The following DYTN variants were observed in gnomAD, a reference collection of about 807,000 sequenced individuals.
DYTN encodes the protein dystrotelin.
Under a neutral mutation model 69.6 loss-of-function variants are expected in DYTN, and 75 were observed. That is an observed-to-expected ratio of 1.08 (90% CI 0.89 to 1.31). The LOEUF is 1.31. Ranked by LOEUF, DYTN falls within the 50% of genes most tolerant of loss-of-function variation. DYTN has a pLI of 0.00. For missense variants in DYTN, 726 were observed against 688.4 expected, an observed-to-expected ratio of 1.05 and a Z score of -0.61; for synonymous variants, 252 against 249.1, an observed-to-expected ratio of 1.01 and a Z score of -0.11.
intron 9 of DYTN, among the ~76,000 whole-genome samples, chr2:206,672,721 A>C (rs1699643189): frequency 6.6e-6 from 1 of 152,242 alleles, no homozygotes; most frequent in Non-Finnish European, 1.5e-5. Flanking sequence ...AACCTTTCTT[A>C]AGCTCAGACT....
chr2:206,684,671 G>A (rs1166883062), intron 9 of DYTN, among the ~76,000 whole-genome samples: 1 of 152,018 alleles, frequency 6.6e-6, no homozygotes, highest in Non-Finnish European at 1.5e-5. Context: ...GTGTCTAAGG[G>A]CCATTTGCAA....
At chr2:206,677,111 T>C (rs1402680138) in intron 9 of DYTN, among the ~76,000 whole-genome samples, 1 of 152,098 alleles carries the variant, frequency 6.6e-6, no homozygotes, top group Non-Finnish European at 1.5e-5. Context: ...CACGCCTGGC[T>C]AACTTTTTGT....
In DYTN at chr2:206,688,387, G is replaced by A. The variant is rs551991905; in HGVS notation, c.980+4788C>T. Among the ~76,000 whole-genome samples the A allele has an allele frequency of 1.5e-3, 231 of 152,176 alleles. 1 individual carries two copies. The highest frequency in any genetic ancestry group is 2.7e-3 in the Non-Finnish European group (185 of 68,020). On this transcript the variant is annotated intron_variant, in intron 9 of 11. Coordinates refer to ENST00000452335, the MANE Select transcript of DYTN (RefSeq NM_001093730.1). ...GAACACTAGACAGCAATTCAGTACC[G>A]TGCTTTGGGGCCATTTGCCAAAGTA...
In DYTN at chr2:206,718,337, C is replaced by T; in HGVS notation, c.-58G>A. On this transcript the variant is annotated 5_prime_UTR_variant, in exon 1 of 12. Transcript: ENST00000452335. ...TGGGTCCCTGTAACTAGAAATGAAC[C>T]AGTATTTTAAGCAGAAGGTTTTGCA... is the stretch of plus-strand genomic sequence containing the variant. 1.3e-6 allele frequency: 2 copies of T among 1,569,400 alleles called. No individual in the cohort carries two copies. Among genetic ancestry groups the T allele is most frequent in the Admixed American group, 1.8e-5 (1 of 55,318 alleles).
At chr2:206,700,307 G>T in intron 5 of DYTN, 91 bp from the exon 6 acceptor site, 1 of 1,383,486 alleles carries the variant, frequency 7.2e-7, no homozygotes, top group Non-Finnish European at 1.0e-6. Flanking sequence ...GCCCACGGCT[G>T]TGTAGTCACA....
rs60722121 is a variant in DYTN, at chr2:206,693,231, C to A, written c.924G>T (p.Arg308Ser). The change falls in exon 9 of 12, where the codon AGG (arginine) becomes AGT (serine). Residue 308 changes from arginine to serine, a missense_variant. Arg to Ser is a moderately radical substitution (Grantham distance 110). Coordinates refer to ENST00000452335, the MANE Select transcript of DYTN (RefSeq NM_001093730.1). ...GATTCACCTGGTCCAGCAGCTGCTG[C>A]CTTCTCGCTGCTTCTTTCTTCCTAC... The part of the protein sequence containing the change: ...GRCRKKEAAR[R>S]QQLLDQVNPK... The A allele has an allele frequency of 3.7e-6, 6 of 1,613,566 alleles. No individual in the cohort carries two copies. Among genetic ancestry groups the A allele is most frequent in the South Asian group, 1.1e-5 (1 of 91,078 alleles).
chr2:206,680,434 A>G (rs1241749088), intron 9 of DYTN, among the ~76,000 whole-genome samples: 1 of 152,218 alleles, frequency 6.6e-6, no homozygotes, highest in Non-Finnish European at 1.5e-5. Flanking sequence ...CTGTACTCAG[A>G]TATTTACAAA....
chr2:206,711,721 C>G (rs1451613630), intron 1 of DYTN, among the ~76,000 whole-genome samples: 4 of 151,834 alleles, frequency 2.6e-5, no homozygotes, highest in East Asian at 1.9e-4. Context: ...ATCTCCCAAT[C>G]CTATCCCTCC....
Position 206,693,332 on chromosome 2 carries a change from A to G in DYTN, c.832-9T>C. ...TTCTGCATTGCTGACATCTGCTGAA[A>G]GGGCCAACATTTTTAAAAAGCGTCA... On this transcript the variant is annotated splice_polypyrimidine_tract_variant and intron_variant, in intron 8 of 11. Transcript: ENST00000452335. The G allele has an allele frequency of 6.2e-7, 1 of 1,609,994 alleles. No individual in the cohort carries two copies. Among genetic ancestry groups the G allele is most frequent in the Non-Finnish European group, 8.5e-7 (1 of 1,179,570 alleles).
At position 206,651,664 on chromosome 2, in the gene DYTN, C is replaced by G. The variant is rs1699387861; in HGVS notation, c.*154G>C. The stretch of plus-strand genomic sequence containing the variant: ...CACTCTGAACTGCAGAACTAAGATA[C>G]ATAAGTAGGGAGGGAGATCAAAAAA... On this transcript the variant is annotated 3_prime_UTR_variant, in exon 12 of 12. Transcript: ENST00000452335. The G allele has an allele frequency of 3.2e-6, 2 of 631,716 alleles. No homozygotes were observed. Among genetic ancestry groups the G allele is most frequent in the Non-Finnish European group, 5.5e-6 (2 of 362,610 alleles). The allele number at this position is 631,716 out of a possible 1,614,324, so 39.1% of individuals were successfully genotyped here.
chr2:206,715,240 C>T lies in DYTN; in HGVS notation c.19+3021G>A, dbSNP rs530862876. On this transcript the variant is annotated intron_variant, in intron 1 of 11. Coordinates refer to ENST00000452335, the MANE Select transcript of DYTN (RefSeq NM_001093730.1). ...ACTTTTTGGGGGAGGAACTGTCAAG[C>T]CCTGGGTCCTAGGTTTGGATGGATG... Among the ~76,000 whole-genome samples, 3 of 152,206 alleles carry T rather than the reference C, an allele frequency of 2.0e-5. No individual in the cohort carries two copies. In the East Asian group the frequency reaches 5.8e-4, roughly 29 times the overall value.
chr2:206,704,832 T>C lies in DYTN; in HGVS notation c.483+11A>G. On this transcript the variant is annotated intron_variant, in intron 5 of 11. Transcript: ENST00000452335. Reference sequence around the variant, plus strand: ...AAACAAATGTACAGTTCTTAAGTATTAGGAATTTACCTGCTGTAGATCTGT... The same window carrying C: ...AAACAAATGTACAGTTCTTAAGTATCAGGAATTTACCTGCTGTAGATCTGT... 1 of 1,610,002 alleles carries C rather than the reference T, an allele frequency of 6.2e-7. No homozygotes were observed. The highest frequency in any genetic ancestry group is 8.5e-7 in the Non-Finnish European group (1 of 1,177,442).
At chr2:206,679,642 A>T (rs1317869529) in intron 9 of DYTN, among the ~76,000 whole-genome samples, 1 of 152,250 alleles carries the variant, frequency 6.6e-6, no homozygotes, top group African/African-American at 2.4e-5. Flanking sequence ...TATGGCAGAT[A>T]TAAAACAAAA....
intron 11 of DYTN, among the ~76,000 whole-genome samples, chr2:206,661,186 C>A (rs1000616872): frequency 6.6e-6 from 1 of 152,196 alleles, no homozygotes; most frequent in South Asian, 2.1e-4. Flanking sequence ...TGCTGACACC[C>A]TGATCTTGGA....
Position 206,651,894 on chromosome 2 carries a change from A to G in DYTN, c.1661T>C (p.Leu554Pro), listed in dbSNP as rs1372638493. Residue 554 changes from leucine (L) to proline (P), a missense_variant, in exon 12 of 12, where the codon CTG (leucine) becomes CCG (proline). By Grantham distance (98) the Leu-to-Pro change is moderately conservative. Coordinates refer to ENST00000452335, the MANE Select transcript of DYTN (RefSeq NM_001093730.1). ...SGPESSVNMD[L>P]YSGAQRVCRA... ...GCACACTCGCTGAGCTCCACTGTAC[A>G]GGTCCATGTTTACTGAAGACTCCGG... 1 of 1,613,248 alleles carries G rather than the reference A, an allele frequency of 6.2e-7. No homozygotes were observed. The highest frequency in any genetic ancestry group is 1.3e-5 in the African/African-American group (1 of 74,908).
Position 206,668,142 on chromosome 2 carries a change from C to T in DYTN, c.981-2113G>A, listed in dbSNP as rs1699594110. 2.0e-5 allele frequency among the ~76,000 whole-genome samples: 3 copies of T among 152,206 alleles called. 1 individual carries two copies. The East Asian group carries it at 5.8e-4, about 29-fold the overall frequency. ...ACAGCCAACAACAAAAAAACATTCT[C>T]AGACAGCCTGTCTAAACAGTGTTCT... is the stretch of plus-strand genomic sequence containing the variant. On this transcript the variant is annotated intron_variant, in intron 9 of 11. Coordinates refer to ENST00000452335, the MANE Select transcript of DYTN (RefSeq NM_001093730.1).
chr2:206,689,647 A>G (rs1386270668), intron 9 of DYTN, among the ~76,000 whole-genome samples: 1 of 152,200 alleles, frequency 6.6e-6, no homozygotes, highest in Non-Finnish European at 1.5e-5. Flanking sequence ...CCCAATTAAC[A>G]GGTAAAGAAA....
At chr2:206,657,208 G>A (rs1267631305) in intron 11 of DYTN, among the ~76,000 whole-genome samples, 1 of 152,120 alleles carries the variant, frequency 6.6e-6, no homozygotes, top group Non-Finnish European at 1.5e-5. Flanking sequence ...CAAACACCAA[G>A]GCTCAAGTGA....
rs753242412 is a variant in DYTN at position 206,665,874 on chromosome 2, A to G, written c.1136T>C (p.Leu379Pro). Residue 379 changes from leucine to proline, a missense_variant, in exon 10 of 12, where the codon CTA (leucine) becomes CCA (proline). Leu to Pro is a moderately conservative substitution (Grantham distance 98). Transcript: ENST00000452335. Reference protein sequence around the residue: ...WTKLQQIRRDLQARLQPPGPS... With the variant: ...WTKLQQIRRDPQARLQPPGPS... ...AGTGTCCCTCACATTTTATACCTGT[A>G]GGTCCCGTCTTATCTGTTGTAGCTT... 6.2e-7 allele frequency: 1 copy of G among 1,613,480 alleles called. No homozygotes were observed.
Sources: allele counts gnomAD v4.1 joint callset (sites outside exome capture counted in the v4.1 genomes callset), GRCh38; gene constraint gnomAD v4.1.1; transcripts MANE v1.5; gene names NCBI Gene and HGNC (gene_info 2026-07-23, HGNC 2026-07-21).